Variants in FRK observed in about 807,000 individuals in gnomAD.
FRK encodes the protein fyn related Src family tyrosine kinase.
FRK carries 51 observed loss-of-function variants against 56.4 expected under a neutral mutation model. The ratio of observed to expected loss-of-function variants is 0.90; its 90% CI spans 0.72 to 1.14. The LOEUF (loss-of-function observed/expected upper bound fraction) is 1.14. Ranked by LOEUF, FRK falls within the 50% of genes most tolerant of loss-of-function variation. FRK has a pLI of 0.00. For synonymous variants in FRK, 245 were observed against 217.9 expected (o/e 1.12, Z -1.10); for missense variants, 570 against 601.4 (o/e 0.95, Z 0.55).
chr6:116,081,473 A>G, the FRK span, among the ~76,000 whole-genome samples: 1 of 152,132 alleles, frequency 6.6e-6, no homozygotes, highest in African/African-American at 2.4e-5. Context: ...CCTGGCCAAC[A>G]TGGTGAAAAC....
At chr6:115,970,611 A>G (rs1187968210) in intron 2 of FRK, among the ~76,000 whole-genome samples, 1 of 152,244 alleles carries the variant, frequency 6.6e-6, no homozygotes, top group African/African-American at 2.4e-5. Flanking sequence ...TTAAAAAGCA[A>G]GGCTAAGCTG....
chr6:115,994,312 A>C, intron 2 of FRK, among the ~76,000 whole-genome samples: 1 of 138,068 alleles, frequency 7.2e-6, no homozygotes, highest in South Asian at 2.5e-4. Context: ...GGGTATCCAG[A>C]ATCTCACAAC....
intron 5 of FRK, among the ~76,000 whole-genome samples, chr6:115,954,022 T>C (rs531895818): frequency 6.6e-6 from 1 of 152,010 alleles, no homozygotes; most frequent in South Asian, 2.1e-4. Flanking sequence ...TAAGAGTCAG[T>C]AGAAAGAGAT....
At chr6:116,081,118 C>A in the FRK span, among the ~76,000 whole-genome samples, 1 of 152,172 alleles carries the variant, frequency 6.6e-6, no homozygotes, top group African/African-American at 2.4e-5. Flanking sequence ...TTCACTATCT[C>A]GAGAACAGCA....
At position 115,999,652 on chromosome 6, in the gene FRK, A is replaced by G. The variant is rs1774973602; in HGVS notation, c.466+4225T>C. 2.6e-5 allele frequency among the ~76,000 whole-genome samples: 4 copies of G among 152,246 alleles called. No homozygotes were observed. In the South Asian group the frequency reaches 8.3e-4, roughly 32 times the overall value. Reference sequence around the variant, plus strand: ...TTTTGCCTTCCTTTAGCAGCACAGCAGTCAGCAAAATTGAAGACCATCAAT... The same window carrying G: ...TTTTGCCTTCCTTTAGCAGCACAGCGGTCAGCAAAATTGAAGACCATCAAT... On this transcript the variant is annotated intron_variant, in intron 2 of 7. Transcript: ENST00000606080.
At position 115,976,619 on chromosome 6, in the gene FRK, G is replaced by A. The variant is rs372833066; in HGVS notation, c.467-7880C>T. 1.8e-3 allele frequency among the ~76,000 whole-genome samples: 281 copies of A among 152,200 alleles called. 12 individuals carry two copies. The South Asian group carries it at 0.036, about 19-fold the overall frequency. The stretch of plus-strand genomic sequence containing the variant: ...TGATAATAATCTCTTCCCATACTGA[G>A]TAAAACAATATGACTTCATTGATTG... On this transcript the variant is annotated intron_variant, in intron 2 of 7. Coordinates refer to ENST00000606080, the MANE Select transcript of FRK (RefSeq NM_002031.3).
At chr6:115,958,097 A>G (rs1773082493) in intron 4 of FRK, among the ~76,000 whole-genome samples, 1 of 152,238 alleles carries the variant, frequency 6.6e-6, no homozygotes, top group Non-Finnish European at 1.5e-5. Context: ...TCTGAGCTCC[A>G]TCAATTCCAT....
chr6:115,993,989 T>G (rs1418039250), intron 2 of FRK, among the ~76,000 whole-genome samples: 3 of 152,030 alleles, frequency 2.0e-5, no homozygotes. Flanking sequence ...GAATTATGTC[T>G]CAAATGTAGG....
rs1034384809 is a variant in FRK at position 115,940,999 on chromosome 6, G to A, written c.*1415C>T. 6.6e-6 allele frequency: 1 copy of A among 152,194 alleles called. No homozygotes were observed. Among genetic ancestry groups the A allele is most frequent in the Non-Finnish European group, 1.5e-5 (1 of 68,044 alleles). The allele number at this position is 152,194 out of a possible 1,614,324, so 9.4% of individuals were successfully genotyped here. A position where few individuals can be genotyped will look rare whatever the true frequency, so the allele number is the denominator to read the frequency against. On this transcript the variant is annotated 3_prime_UTR_variant, in exon 8 of 8. Transcript: ENST00000606080. ...TTTGACTCAGCGATCCCATTACTGG[G>A]TATGTACCTAAAGGCTTATAAATCA...
chr6:116,075,700 A>G, the FRK span, among the ~76,000 whole-genome samples: 1 of 152,098 alleles, frequency 6.6e-6, no homozygotes, highest in African/African-American at 2.4e-5. Flanking sequence ...ACCCACAATT[A>G]AGGAGTAAAG....
chr6:116,090,385 T>C, the FRK span, among the ~76,000 whole-genome samples: 1 of 152,218 alleles, frequency 6.6e-6, no homozygotes, highest in Non-Finnish European at 1.5e-5. Flanking sequence ...TCTGAGGTGG[T>C]GACCTCACCT....
intron 1 of FRK, among the ~76,000 whole-genome samples, chr6:116,047,177 T>C (rs944285631): frequency 1.3e-5 from 2 of 151,910 alleles, no homozygotes; most frequent in Non-Finnish European, 2.9e-5. Flanking sequence ...TCTAATAAAT[T>C]TGGGAAGGCC....
At position 116,038,802 on chromosome 6, in the gene FRK, G is replaced by C. The variant is rs1200696405; in HGVS notation, c.344+21166C>G. 7 of 500,028 alleles carry C rather than the reference G, an allele frequency of 1.4e-5. No individual in the cohort carries two copies. In the East Asian group the frequency reaches 3.7e-4, roughly 27 times the overall value. 31.0% of individuals were successfully genotyped at this position (500,028 alleles called of 1,614,324 possible). A position where few individuals can be genotyped will look rare whatever the true frequency, so the allele number is the denominator to read the frequency against. On this transcript the variant is annotated intron_variant, in intron 1 of 7. Transcript: ENST00000606080. ...GTTGGGGGGAACTGGAAGATGAACCGACGGAAGAAGAGCCTGGGGGAGCTC... is the reference window on the plus strand; with the variant it reads ...GTTGGGGGGAACTGGAAGATGAACCCACGGAAGAAGAGCCTGGGGGAGCTC...
chr6:116,034,058 C>A (rs1776385654), intron 1 of FRK, among the ~76,000 whole-genome samples: 1 of 152,076 alleles, frequency 6.6e-6, no homozygotes, highest in African/African-American at 2.4e-5. Flanking sequence ...TTGCTGTTGA[C>A]AGAGCTGGGG....
At chr6:116,031,803 C>G (rs1776313117) in intron 1 of FRK, among the ~76,000 whole-genome samples, 1 of 151,988 alleles carries the variant, frequency 6.6e-6, no homozygotes, top group Non-Finnish European at 1.5e-5. Context: ...TTATCTTTAA[C>G]CAATTTATCT....
intron 2 of FRK, among the ~76,000 whole-genome samples, chr6:115,993,996 T>C (rs1314974943): frequency 6.6e-6 from 1 of 152,010 alleles, no homozygotes; most frequent in East Asian, 1.9e-4. Context: ...GTCTCAAATG[T>C]AGGAGTTTTC....
rs79853596 is a variant in FRK, at chr6:116,023,003, G to A, written c.345-19005C>T. ...TTTTTAAATGGGCAGAAGACTTAAAGAGACACTTCACAAAAGGAAATATGA... is the reference window on the plus strand; with the variant it reads ...TTTTTAAATGGGCAGAAGACTTAAAAAGACACTTCACAAAAGGAAATATGA... On this transcript the variant is annotated intron_variant, in intron 1 of 7. Coordinates refer to ENST00000606080, the MANE Select transcript of FRK (RefSeq NM_002031.3). 7.2e-3 allele frequency among the ~76,000 whole-genome samples: 1,099 copies of A among 152,232 alleles called. 9 individuals are homozygous for A. The highest frequency in any genetic ancestry group is 0.012 in the Non-Finnish European group (783 of 67,992).
chr6:116,055,759 A>G lies in FRK; in HGVS notation c.344+4209T>C, dbSNP rs146996320. ...CAGGCCTATAGAATGGACTTAAGAC[A>G]AAATTACTGATTCACAAGTAAGAAG... On this transcript the variant is annotated intron_variant, in intron 1 of 7. Transcript: ENST00000606080. Among the ~76,000 whole-genome samples the G allele has an allele frequency of 4.1e-3, 627 of 152,372 alleles. 18 individuals are homozygous for G. The highest frequency in any genetic ancestry group is 0.037 in the Admixed American group (564 of 15,304).
the FRK span, among the ~76,000 whole-genome samples, chr6:116,069,452 T>C: frequency 6.6e-6 from 1 of 152,128 alleles, no homozygotes; most frequent in African/African-American, 2.4e-5. Context: ...TATTATTCAA[T>C]ATTACTGTGA....
Sources: allele counts gnomAD v4.1 joint callset (sites outside exome capture counted in the v4.1 genomes callset), GRCh38; gene constraint gnomAD v4.1.1; transcripts MANE v1.5; gene names NCBI Gene and HGNC (gene_info 2026-07-23, HGNC 2026-07-21).